Variants in KIAA1549 observed in about 807,000 individuals in gnomAD.
KIAA1549 encodes UPF0606 protein KIAA1549.
A neutral mutation model predicts 156.4 loss-of-function variants in KIAA1549; 70 were observed. The ratio of observed to expected loss-of-function variants is 0.45; its 90% CI spans 0.37 to 0.55. The LOEUF (loss-of-function observed/expected upper bound fraction) is 0.55. KIAA1549 is among the 20% of genes least tolerant of loss of function. The probability of loss-of-function intolerance (pLI) is 0.00; values close to 1 mark genes in which losing one functional copy is unlikely to be tolerated. For synonymous variants in KIAA1549, 1,103 were observed against 1,066.4 expected, an observed-to-expected ratio of 1.03 and a Z score of -0.67; for missense variants, 2,428 against 2,540.9, an observed-to-expected ratio of 0.96 and a Z score of 0.96.
chr7:138,917,407 G>A lies in KIAA1549; in HGVS notation c.2219C>T (p.Ser740Leu), dbSNP rs953887324. 1 of 1,613,944 alleles carries A rather than the reference G, an allele frequency of 6.2e-7. No homozygotes were observed. Among genetic ancestry groups the A allele is most frequent in the Non-Finnish European group, 8.5e-7 (1 of 1,179,846 alleles). ...GAAAGCTGAGGTAAAATGAGCTTCT[G>A]AATCCGTCAGTGAAACCGTAGACGC... ...VEASTVSLTD[S>L]EAHFTSAFIE... is the part of the protein sequence containing the mutation. Residue 740 changes from serine to leucine, a missense_variant, in exon 2 of 20, where the codon TCA (serine) becomes TTA (leucine). Ser to Leu is a moderately radical substitution (Grantham distance 145). Coordinates refer to ENST00000422774, the MANE Select transcript of KIAA1549 (RefSeq NM_001164665.2).
intron 16 of KIAA1549, among the ~76,000 whole-genome samples, chr7:138,859,247 A>G (rs1810485261): frequency 2.0e-5 from 3 of 152,018 alleles, no homozygotes; most frequent in South Asian, 2.1e-4. Flanking sequence ...GAGCAGTTCT[A>G]TTGAATCGGG....
chr7:138,851,973 TAATGTTAA>T (rs1033022227), intron 17 of KIAA1549, among the ~76,000 whole-genome samples: 19 of 152,358 alleles, frequency 1.2e-4, no homozygotes, highest in Admixed American at 7.2e-4. Context: ...GTGGGGTTTT[TAATGTTAA>T]TATCTTGTTC....
Position 138,844,326 on chromosome 7 carries a change from C to A in KIAA1549, c.5443G>T (p.Gly1815Cys). ...AAACAGCCACATATACCTGTGGTAC[C>A]CCCGACAGGCCGAGGCCGGGCCACC... ...PSVARPRPVG[G>C]TTGSQIQHLT... The change falls in exon 18 of 20, where the codon GGT becomes TGT. Residue 1815 changes from glycine (G) to cysteine (C), a missense_variant. Physicochemically the swap from Gly to Cys is radical, Grantham distance 159. Coordinates refer to ENST00000422774, the MANE Select transcript of KIAA1549 (RefSeq NM_001164665.2). 1 of 1,613,940 alleles carries A rather than the reference C, an allele frequency of 6.2e-7. No individual in the cohort carries two copies. Among genetic ancestry groups the A allele is most frequent in the South Asian group, 1.1e-5 (1 of 91,076 alleles).
Position 138,917,732 on chromosome 7 carries a change from G to C in KIAA1549, c.1894C>G (p.Leu632Val). The C allele has an allele frequency of 6.3e-7, 1 of 1,591,022 alleles. No homozygotes were observed. The highest frequency in any genetic ancestry group is 2.3e-5 in the East Asian group (1 of 43,902). The change falls in exon 2 of 20, where the codon CTG (leucine) becomes GTG (valine). Residue 632 changes from leucine (L) to valine (V), a missense_variant. This residue lies in a region of KIAA1549 where 893 missense variants were observed against 847.9 expected (regional missense o/e 1.05). Coordinates refer to ENST00000422774, the MANE Select transcript of KIAA1549 (RefSeq NM_001164665.2). The part of the protein sequence containing the change: ...FASSFFSTPP[L>V]ELSGSISSPS... ...GAAGAGATGGAGCCGCTGAGTTCCAGCGGGGGTGTTGAGAAAAAGCTGGAT... is the reference window on the plus strand; with the variant it reads ...GAAGAGATGGAGCCGCTGAGTTCCACCGGGGGTGTTGAGAAAAAGCTGGAT...
intron 9 of KIAA1549, among the ~76,000 whole-genome samples, chr7:138,897,456 C>T (rs1440705621): frequency 6.6e-6 from 1 of 152,156 alleles, no homozygotes; most frequent in Non-Finnish European, 1.5e-5. Context: ...TAAAAATTGT[C>T]TTTATCTCCT....
chr7:138,874,962 C>T (rs1811038463), intron 12 of KIAA1549, among the ~76,000 whole-genome samples: 1 of 151,588 alleles, frequency 6.6e-6, no homozygotes, highest in African/African-American at 2.4e-5. Flanking sequence ...ACCACTGCAC[C>T]CCAGCCTGGG....
chr7:138,920,770 A>G (rs1044801926), intron 1 of KIAA1549, among the ~76,000 whole-genome samples: 2 of 152,202 alleles, frequency 1.3e-5, no homozygotes, highest in East Asian at 3.8e-4. Context: ...TCTAATCCCA[A>G]CAGTCTATCA....
intron 1 of KIAA1549, among the ~76,000 whole-genome samples, chr7:138,935,020 GCCCCCCGGAGAAATC>G (rs1812969451): frequency 6.6e-6 from 1 of 152,076 alleles, no homozygotes; most frequent in Admixed American, 6.5e-5. Context: ...CTTGCTCAGT[GCCCCCCGGAGAAATC>G]CCTCGTAATT....
chr7:138,840,625 A>C (rs1809887631), intron 18 of KIAA1549, among the ~76,000 whole-genome samples: 1 of 152,112 alleles, frequency 6.6e-6, no homozygotes, highest in Non-Finnish European at 1.5e-5. Context: ...CCCTAAGCCT[A>C]AGTCTGTCCC....
intron 8 of KIAA1549, among the ~76,000 whole-genome samples, chr7:138,902,938 C>T (rs1032477096): frequency 6.6e-6 from 1 of 152,152 alleles, no homozygotes; most frequent in African/African-American, 2.4e-5. Flanking sequence ...GAAATGTTTA[C>T]AGTGATCTTC....
Position 138,835,518 on chromosome 7 carries a change from G to C in KIAA1549, c.*2388C>G. 1 of 223,218 alleles carries C rather than the reference G, an allele frequency of 4.5e-6. No homozygotes were observed. The highest frequency in any genetic ancestry group is 8.9e-6 in the Non-Finnish European group (1 of 111,812). 13.8% of individuals were successfully genotyped at this position (223,218 alleles called of 1,614,324 possible). On this transcript the variant is annotated 3_prime_UTR_variant, in exon 20 of 20. Coordinates refer to ENST00000422774, the MANE Select transcript of KIAA1549 (RefSeq NM_001164665.2). ...CCTCTTTCTGCAATGCTCAAAGGAG[G>C]TTACCATTTTTAGCACACTCTATGT...
chr7:138,844,969 T>C (rs1375363162), intron 17 of KIAA1549, among the ~76,000 whole-genome samples: 2 of 152,070 alleles, frequency 1.3e-5, no homozygotes, highest in African/African-American at 4.8e-5. Flanking sequence ...GTGGTAACTT[T>C]TAAAATTACA....
intron 12 of KIAA1549, among the ~76,000 whole-genome samples, chr7:138,874,124 C>T (rs1811014831): frequency 6.7e-6 from 1 of 148,740 alleles, no homozygotes; most frequent in African/African-American, 2.5e-5. Flanking sequence ...TTATTGTTTG[C>T]TATGCATTGC....
chr7:138,920,430 A>G (rs1297767557), intron 1 of KIAA1549, among the ~76,000 whole-genome samples: 3 of 152,192 alleles, frequency 2.0e-5, no homozygotes, highest in South Asian at 2.1e-4. Flanking sequence ...GCCTAGCACA[A>G]TAAGTGCTAG....
intron 16 of KIAA1549, among the ~76,000 whole-genome samples, chr7:138,854,537 GTTTTTC>G (rs1405446031): frequency 6.6e-6 from 1 of 152,020 alleles, no homozygotes; most frequent in Admixed American, 6.6e-5. Context: ...CATTCCTGTG[GTTTTTC>G]TTTTTTTTTA....
chr7:138,880,667 A>G (rs1388326564), intron 11 of KIAA1549, among the ~76,000 whole-genome samples: 1 of 152,202 alleles, frequency 6.6e-6, no homozygotes, highest in Non-Finnish European at 1.5e-5. Flanking sequence ...GCGATGATGG[A>G]AAGTCAACTT....
chr7:138,897,892 CAAAAAAAAAAAAAAAAAA>C (rs59242488), intron 9 of KIAA1549, among the ~76,000 whole-genome samples: 6 of 27,478 alleles, frequency 2.2e-4, no homozygotes, highest in African/African-American at 3.4e-4. Context: ...GACCCTTTCT[CAAAAAAAAAAAAAAAAAA>C]AAAAAAAAAA....
chr7:138,838,251 GC>G, intron 19 of KIAA1549, 91 bp from the exon 20 acceptor site: 1 of 1,331,902 alleles, frequency 7.5e-7, no homozygotes, highest in Non-Finnish European at 9.9e-7. Context: ...TCCCAGGACT[GC>G]CCACGTCCAT....
intron 6 of KIAA1549, 70 bp from the exon 7 acceptor site, chr7:138,905,151 C>T: frequency 9.8e-7 from 1 of 1,020,020 alleles, no homozygotes; most frequent in Admixed American, 2.0e-5. Context: ...ACAACAAAGT[C>T]CCAACACATC....
Sources: allele counts gnomAD v4.1 joint callset (sites outside exome capture counted in the v4.1 genomes callset), GRCh38; gene constraint gnomAD v4.1.1; regional missense constraint gnomAD v4.1.1; transcripts MANE v1.5; gene names NCBI Gene and HGNC (gene_info 2026-07-23, HGNC 2026-07-21).